Variants in PTPRO observed in about 807,000 individuals in gnomAD.
PTPRO encodes the protein protein tyrosine phosphatase receptor type O.
Under a neutral mutation model 145.2 loss-of-function variants are expected in PTPRO, and 62 were observed. The ratio of observed to expected loss-of-function variants is 0.43; its 90% CI spans 0.35 to 0.53. The LOEUF (loss-of-function observed/expected upper bound fraction) is 0.53, where lower values mean the gene tolerates loss of function less well. Ranked by LOEUF, PTPRO falls within the 20% of genes least tolerant of loss-of-function variation. The pLI is 0.01. For missense variants in PTPRO, 1,345 were observed against 1,482.7 expected (o/e 0.91, Z 1.53); for synonymous variants, 565 against 514.7 (o/e 1.10, Z -1.32).
intron 1 of PTPRO, among the ~76,000 whole-genome samples, chr12:15,398,108 C>T (rs781602604): frequency 1.3e-5 from 2 of 152,004 alleles, no homozygotes; most frequent in South Asian, 4.1e-4. Flanking sequence ...AATATGAGAG[C>T]GAAAAGGAGA....
At chr12:15,503,721 AC>A (rs1388727723) in intron 5 of PTPRO, among the ~76,000 whole-genome samples, 186 bp from the exon 6 acceptor site, 1 of 152,126 alleles carries the variant, frequency 6.6e-6, no homozygotes, top group Admixed American at 6.5e-5. Flanking sequence ...TATTTGGAAG[AC>A]TGTAAAAATA....
chr12:15,591,758 G>T (rs2135675660), intron 25 of PTPRO, among the ~76,000 whole-genome samples: 1 of 152,142 alleles, frequency 6.6e-6, no homozygotes, highest in Admixed American at 6.5e-5. Context: ...AGCTACTCGG[G>T]AGGCTGAGGC....
intron 1 of PTPRO, among the ~76,000 whole-genome samples, chr12:15,335,824 T>G (rs1256041802): frequency 6.6e-6 from 1 of 152,190 alleles, no homozygotes; most frequent in Non-Finnish European, 1.5e-5. Context: ...TTTTTCCATC[T>G]CTATGCTATT....
chr12:15,395,913 C>T (rs544579042), intron 1 of PTPRO, among the ~76,000 whole-genome samples: 4 of 152,086 alleles, frequency 2.6e-5, no homozygotes, highest in African/African-American at 9.6e-5. Context: ...AGCAATGAAC[C>T]TCAGACAAAG....
At chr12:15,421,000 C>G (rs1175438794) in intron 1 of PTPRO, among the ~76,000 whole-genome samples, 4 of 152,182 alleles carry the variant, frequency 2.6e-5, no homozygotes, top group Non-Finnish European at 5.9e-5. Flanking sequence ...AAATTAGAGA[C>G]AGTGGTATGC....
intron 19 of PTPRO, among the ~76,000 whole-genome samples, chr12:15,577,161 C>A (rs537869858): frequency 1.3e-5 from 2 of 152,254 alleles, no homozygotes; most frequent in Admixed American, 6.5e-5. Flanking sequence ...AGTTGAAAAT[C>A]AAATGTAACA....
chr12:15,424,630 G>A (rs1210569980), intron 1 of PTPRO, among the ~76,000 whole-genome samples: 1 of 151,978 alleles, frequency 6.6e-6, no homozygotes, highest in African/African-American at 2.4e-5. Flanking sequence ...AATAATGGGT[G>A]CATGAAAGAG....
intron 12 of PTPRO, among the ~76,000 whole-genome samples, chr12:15,540,976 A>T (rs1378412463): frequency 1.3e-5 from 2 of 152,248 alleles, no homozygotes; most frequent in Non-Finnish European, 2.9e-5. Context: ...GTTGAGTGGA[A>T]CGCCAGCAAT....
chr12:15,502,766 T>C lies in PTPRO; in HGVS notation c.1105+703T>C, dbSNP rs375438692. On this transcript the variant is annotated intron_variant, in intron 5 of 26. Coordinates refer to ENST00000281171, the MANE Select transcript of PTPRO (RefSeq NM_030667.3). ...TGGGTCATGATACCTATCTCAATTG[T>C]TGTTTGGTAGATTTTTATGGTTATT... is the stretch of plus-strand genomic sequence containing the variant. Among the ~76,000 whole-genome samples the C allele has an allele frequency of 3.9e-4, 60 of 152,300 alleles. 1 individual carries two copies. In the South Asian group the frequency reaches 0.011, roughly 28 times the overall value.
chr12:15,405,549 T>C (rs1311913260), intron 1 of PTPRO, among the ~76,000 whole-genome samples: 2 of 152,172 alleles, frequency 1.3e-5, no homozygotes, highest in African/African-American at 2.4e-5. Flanking sequence ...TATTTTCTAA[T>C]TACCTATTAG....
At chr12:15,354,621 A>C (rs1239641870) in intron 1 of PTPRO, among the ~76,000 whole-genome samples, 1 of 152,114 alleles carries the variant, frequency 6.6e-6, no homozygotes, top group Non-Finnish European at 1.5e-5. Context: ...CATTTATTTG[A>C]CTGCTTGTTT....
At chr12:15,534,089 C>T (rs1943020235) in intron 12 of PTPRO, among the ~76,000 whole-genome samples, 1 of 152,036 alleles carries the variant, frequency 6.6e-6, no homozygotes, top group South Asian at 2.1e-4. Context: ...GTGCTTTTCC[C>T]AGGATGTTGA....
chr12:15,413,852 T>G (rs1184052824), intron 1 of PTPRO, among the ~76,000 whole-genome samples: 3 of 152,142 alleles, frequency 2.0e-5, no homozygotes, highest in Non-Finnish European at 4.4e-5. Flanking sequence ...AAATAAAAGA[T>G]TGAGACTTTT....
intron 9 of PTPRO, among the ~76,000 whole-genome samples, chr12:15,517,346 A>G (rs1214249166): frequency 6.6e-6 from 1 of 152,166 alleles, no homozygotes; most frequent in Non-Finnish European, 1.5e-5. Context: ...CCCAGGATTC[A>G]GTTACTTCCC....
chr12:15,471,851 T>C (rs73059075), intron 1 of PTPRO, among the ~76,000 whole-genome samples: 35,075 of 152,094 alleles, frequency 0.23, 4,491 homozygotes, highest in Admixed American at 0.32. Context: ...GCTCTGACAA[T>C]TTCTGAGAGT....
chr12:15,394,741 G>T (rs1346991995), intron 1 of PTPRO, among the ~76,000 whole-genome samples: 5 of 152,170 alleles, frequency 3.3e-5, no homozygotes, highest in Admixed American at 3.3e-4. Flanking sequence ...AATGGCTGCT[G>T]CTTCATAATC....
chr12:15,385,320 G>T (rs941633264), intron 1 of PTPRO, among the ~76,000 whole-genome samples: 2 of 152,128 alleles, frequency 1.3e-5, no homozygotes, highest in Non-Finnish European at 2.9e-5. Context: ...GAAGTATAAC[G>T]TTGATGCTTC....
At chr12:15,593,954 A>G (rs1408365799) in intron 25 of PTPRO, among the ~76,000 whole-genome samples, 4 of 152,168 alleles carry the variant, frequency 2.6e-5, no homozygotes, top group African/African-American at 9.6e-5. Flanking sequence ...AAACACAGCT[A>G]AGTGCTAAGC....
chr12:15,582,344 A>G (rs991532547), intron 23 of PTPRO, among the ~76,000 whole-genome samples: 2 of 152,228 alleles, frequency 1.3e-5, no homozygotes, highest in African/African-American at 4.8e-5. Flanking sequence ...ACAGACACCT[A>G]CACCACCACC....
Sources: allele counts gnomAD v4.1 joint callset (sites outside exome capture counted in the v4.1 genomes callset), GRCh38; gene constraint gnomAD v4.1.1; transcripts MANE v1.5; gene names NCBI Gene and HGNC (gene_info 2026-07-23, HGNC 2026-07-21).